Variants in ZXDC observed in about 807,000 individuals in gnomAD.
ZXDC encodes the protein ZXD family zinc finger C, also known as zinc finger protein ZXDC.
A neutral mutation model predicts 63.6 loss-of-function variants in ZXDC; 58 were observed. The ratio of observed to expected loss-of-function variants is 0.91; its 90% CI spans 0.74 to 1.13. The LOEUF is 1.13. Ranked by LOEUF, ZXDC falls within the 50% of genes most tolerant of loss-of-function variation. The pLI, the probability that ZXDC is intolerant of heterozygous loss-of-function variation, is 0.00. For missense variants in ZXDC, 1,133 were observed against 1,148.9 expected, an observed-to-expected ratio of 0.99 and a Z score of 0.20; for synonymous variants, 561 against 496.1, an observed-to-expected ratio of 1.13 and a Z score of -1.74.
At chr3:126,460,644 TG>T (rs1339292600) in intron 6 of ZXDC, 1 of 985,166 alleles carries the variant, frequency 1.0e-6, no homozygotes, top group Non-Finnish European at 1.2e-6. Flanking sequence ...GCAACTACTA[TG>T]GCCGCCTAAG....
rs570634509 is a variant in ZXDC, at chr3:126,453,472, A to T, written c.2212+6181T>A. On this transcript the variant is annotated intron_variant, in intron 7 of 9. Coordinates refer to ENST00000389709, the MANE Select transcript of ZXDC (RefSeq NM_025112.5). ...CACAAACTTGCATTTAGTTTTGGCTACATCCCTTGTGTTCCATATACAGTA... is the reference window on the plus strand; with the variant it reads ...CACAAACTTGCATTTAGTTTTGGCTTCATCCCTTGTGTTCCATATACAGTA... 19 of 985,474 alleles carry T rather than the reference A, an allele frequency of 1.9e-5. No individual in the cohort carries two copies. In the East Asian group the frequency reaches 2.0e-3, roughly 106 times the overall value. 61.0% of individuals were successfully genotyped at this position (985,474 alleles called of 1,614,324 possible).
At chr3:126,453,091 T>C (rs1348622729) in intron 7 of ZXDC, 4 of 985,402 alleles carry the variant, frequency 4.1e-6, no homozygotes, top group Non-Finnish European at 4.8e-6. Flanking sequence ...GGAGCAGCAT[T>C]TACTGCACAA....
intron 7 of ZXDC, among the ~76,000 whole-genome samples, chr3:126,456,718 G>A (rs757260170): frequency 1.3e-5 from 2 of 152,176 alleles, no homozygotes; most frequent in East Asian, 1.9e-4. Flanking sequence ...GGGTGGTCTT[G>A]AGGACCCCCA....
At chr3:126,441,432 C>A in intron 8 of ZXDC, 1 of 1,128,120 alleles carries the variant, frequency 8.9e-7, no homozygotes, top group Non-Finnish European at 1.1e-6. Context: ...AAACAGATCT[C>A]ATCCTGCTGC....
At position 126,437,658 on chromosome 3, in the gene ZXDC, A is replaced by G. The variant is rs1197350628; in HGVS notation, c.*717T>C. On this transcript the variant is annotated 3_prime_UTR_variant, in exon 10 of 10. Transcript: ENST00000389709. ...AACATCACTTTATAAACTGTTGCCA[A>G]ATTACCACTTAAACACTAATATCCA... 6.6e-6 allele frequency: 1 copy of G among 152,400 alleles called. No homozygotes were observed. Among genetic ancestry groups the G allele is most frequent in the Non-Finnish European group, 1.5e-5 (1 of 68,200 alleles). 9.4% of individuals were successfully genotyped at this position (152,400 alleles called of 1,614,324 possible).
At chr3:126,438,538 C>A in intron 9 of ZXDC, 77 bp from the exon 10 acceptor site, 2 of 1,368,228 alleles carry the variant, frequency 1.5e-6, no homozygotes, top group South Asian at 1.3e-5. Flanking sequence ...CACAGCAGGA[C>A]ACTGACCAGG....
In ZXDC at chr3:126,461,813, T is replaced by A; in HGVS notation, c.1849A>T (p.Met617Leu). 4.3e-6 allele frequency: 7 copies of A among 1,614,138 alleles called. No individual in the cohort carries two copies. The highest frequency in any genetic ancestry group is 5.9e-6 in the Non-Finnish European group (7 of 1,180,012). ...GALGCLVALP[M>L]KNLSDDPLAL... The stretch of plus-strand genomic sequence containing the variant: ...AGTGGGTCGTCACTCAAGTTCTTCA[T>A]GGGCAGAGCCACCAGACAGCCTAAT... Residue 617 changes from methionine to leucine, a missense_variant, in exon 6 of 10, where the codon ATG becomes TTG. Coordinates refer to ENST00000389709, the MANE Select transcript of ZXDC (RefSeq NM_025112.5).
At chr3:126,439,149 A>T (rs557178794) in intron 9 of ZXDC, among the ~76,000 whole-genome samples, 38 of 152,364 alleles carry the variant, frequency 2.5e-4, no homozygotes, top group African/African-American at 9.1e-4. Context: ...AATGCAAAAA[A>T]ACTAAAACAC....
At chr3:126,458,868 A>C in intron 7 of ZXDC, 1 of 985,438 alleles carries the variant, frequency 1.0e-6, no homozygotes, top group Non-Finnish European at 1.2e-6. Flanking sequence ...TGATGCATAC[A>C]CTATAGTGAA....
chr3:126,450,290 T>C (rs771348709), intron 7 of ZXDC: 4 of 455,708 alleles, frequency 8.8e-6, no homozygotes, highest in Middle Eastern at 3.3e-4. Flanking sequence ...GAGGGACTGC[T>C]GGGCAAAATT....
At chr3:126,451,722 CCTT>C (rs1289891552) in intron 7 of ZXDC, 11 of 985,258 alleles carry the variant, frequency 1.1e-5, no homozygotes, top group Non-Finnish European at 1.3e-5. Flanking sequence ...CTCCTCATGA[CCTT>C]CTGCACCATG....
intron 6 of ZXDC, chr3:126,460,057 C>T (rs1329043494): frequency 5.5e-5 from 54 of 985,268 alleles, no homozygotes; most frequent in Non-Finnish European, 5.7e-5. Flanking sequence ...AAACAAACAC[C>T]GAGCCTTGCC....
rs756794586 is a variant in ZXDC at position 126,459,708 on chromosome 3, G to C, written c.2157C>G (p.Tyr719Ter). Residue 719 changes from tyrosine to a stop codon, truncating the protein, a stop_gained, in exon 7 of 10, where the codon TAC becomes TAG. Transcript: ENST00000389709. LOFTEE classifies it high-confidence loss of function. ...TTTCCTTGGCTAGTTGAATGGCTCG[G>C]TAATCAGTTCTTGCTGAGCCCCCAC... ...LESGGSARTD[Y>*]RAIQLAKEKK... is the part of the protein sequence containing the mutation. 5 of 1,614,180 alleles carry C rather than the reference G, an allele frequency of 3.1e-6. No individual in the cohort carries two copies. In the Admixed American group the frequency reaches 6.7e-5, roughly 22 times the overall value.
chr3:126,472,062 A>C lies in ZXDC; in HGVS notation c.1061-11T>G, dbSNP rs1474543318. The C allele has an allele frequency of 6.2e-7, 1 of 1,610,940 alleles. No homozygotes were observed. Among genetic ancestry groups the C allele is most frequent in the Admixed American group, 1.7e-5 (1 of 59,302 alleles). On this transcript the variant is annotated splice_polypyrimidine_tract_variant and intron_variant, in intron 2 of 9. Transcript: ENST00000389709. ...TAAATGGTCTTTCACCTTATAAAAG[A>C]AAAAATTATACAGCATAAAATTTAC...
At chr3:126,466,446 G>A (rs2107653610) in intron 4 of ZXDC, 121 bp from the exon 5 acceptor site, 1 of 1,023,732 alleles carries the variant, frequency 9.8e-7, no homozygotes, top group South Asian at 1.4e-5. Context: ...CTACTGGCAA[G>A]GACAGAGACC....
At chr3:126,471,884 T>C (rs549563379) in intron 3 of ZXDC, 89 bp downstream of exon 3, 8 of 1,129,260 alleles carry the variant, frequency 7.1e-6, no homozygotes, top group Non-Finnish European at 6.2e-6. Context: ...ACTTAAAAAA[T>C]GTCTACAGAT....
chr3:126,458,898 T>C (rs1408632301), intron 7 of ZXDC: 3 of 985,244 alleles, frequency 3.0e-6, no homozygotes, highest in East Asian at 1.1e-4. Context: ...TTAAGAAAAC[T>C]GATTAACAGA....
Position 126,475,879 on chromosome 3 carries a change from A to ACGGCGTCGGAG in ZXDC, c.-25_-15dup, listed in dbSNP as rs1935208959. Reference sequence around the variant, plus strand: ...CGGGAGGTCCATCTTGGTCCCAGCGACGGCGTCGGAGCAGCTTCGGACGCA... The same window carrying ACGGCGTCGGAG: ...CGGGAGGTCCATCTTGGTCCCAGCGACGGCGTCGGAGCGGCGTCGGAGCAGCTTCGGACGCA... On this transcript the variant is annotated 5_prime_UTR_variant, in exon 1 of 10. Coordinates refer to ENST00000389709, the MANE Select transcript of ZXDC (RefSeq NM_025112.5). The ACGGCGTCGGAG allele has an allele frequency of 9.3e-7, 1 of 1,073,374 alleles. No homozygotes were observed. Among genetic ancestry groups the ACGGCGTCGGAG allele is most frequent in the African/African-American group, 1.7e-5 (1 of 58,756 alleles). The allele number at this position is 1,073,374 out of a possible 1,614,324, so 66.5% of individuals were successfully genotyped here.
In ZXDC at chr3:126,472,057, A is replaced by G. The variant is rs756346806; in HGVS notation, c.1061-6T>C. ...ACAAATAAATGGTCTTTCACCTTATAAAAGAAAAAATTATACAGCATAAAA... is the reference window on the plus strand; with the variant it reads ...ACAAATAAATGGTCTTTCACCTTATGAAAGAAAAAATTATACAGCATAAAA... On this transcript the variant is annotated splice_polypyrimidine_tract_variant and splice_region_variant and intron_variant, in intron 2 of 9. Transcript: ENST00000389709. The G allele has an allele frequency of 1.2e-6, 2 of 1,611,224 alleles. No individual in the cohort carries two copies. Among genetic ancestry groups the G allele is most frequent in the South Asian group, 2.2e-5 (2 of 90,038 alleles).
Sources: allele counts gnomAD v4.1 joint callset (sites outside exome capture counted in the v4.1 genomes callset), GRCh38; gene constraint gnomAD v4.1.1; transcripts MANE v1.5; gene names NCBI Gene and HGNC (gene_info 2026-07-23, HGNC 2026-07-21).